The following SRBD1 variants were observed in gnomAD, a reference collection of about 807,000 sequenced individuals.
SRBD1 encodes the protein S1 RNA binding domain 1.
Under a neutral mutation model 115.3 loss-of-function variants are expected in SRBD1, and 88 were observed. The observed-to-expected ratio is 0.76, with a 90% confidence interval of 0.64 to 0.91. The LOEUF is 0.91. SRBD1 is among the 40% of genes least tolerant of loss of function. The pLI is 0.00. For synonymous variants in SRBD1, 509 were observed against 407.7 expected (o/e 1.25, Z -2.99); for missense variants, 1,385 against 1,177.4 (o/e 1.18, Z -2.58).
At chr2:45,569,033 C>T (rs1211469710) in intron 9 of SRBD1, among the ~76,000 whole-genome samples, 1 of 152,108 alleles carries the variant, frequency 6.6e-6, no homozygotes, top group Non-Finnish European at 1.5e-5. Context: ...TTTAAATGGG[C>T]AAGGGCCATG....
At chr2:45,391,301 C>A (rs182855857) in intron 20 of SRBD1, among the ~76,000 whole-genome samples, 4 of 152,242 alleles carry the variant, frequency 2.6e-5, no homozygotes, top group Admixed American at 2.6e-4. Context: ...TTCTAATAAA[C>A]CCAGTTAGGG....
intron 16 of SRBD1, among the ~76,000 whole-genome samples, chr2:45,450,723 G>T (rs1203921748): frequency 6.6e-6 from 1 of 152,002 alleles, no homozygotes; most frequent in East Asian, 1.9e-4. Flanking sequence ...GTTTTGAAGG[G>T]AAAAAAGGCA....
chr2:45,436,802 T>G (rs886321107), intron 16 of SRBD1, among the ~76,000 whole-genome samples: 2 of 152,162 alleles, frequency 1.3e-5, no homozygotes, highest in Non-Finnish European at 2.9e-5. Context: ...ACACAAGGCC[T>G]AACCTTATCA....
chr2:45,460,505 A>G (rs957284480), intron 16 of SRBD1, among the ~76,000 whole-genome samples: 2 of 152,166 alleles, frequency 1.3e-5, no homozygotes, highest in African/African-American at 4.8e-5. Context: ...AATGCTGAGG[A>G]AGGCAGGGAA....
intron 16 of SRBD1, among the ~76,000 whole-genome samples, chr2:45,444,616 T>C (rs966415859): frequency 3.9e-5 from 6 of 152,234 alleles, no homozygotes; most frequent in Non-Finnish European, 8.8e-5. Context: ...AGGACCACAC[T>C]ATACTGGTTC....
At chr2:45,544,994 G>C (rs2088336865) in intron 14 of SRBD1, among the ~76,000 whole-genome samples, 1 of 151,998 alleles carries the variant, frequency 6.6e-6, no homozygotes, top group Non-Finnish European at 1.5e-5. Context: ...TAAAACAAAA[G>C]ATGAGGCCGG....
chr2:45,457,984 A>G (rs902478874), intron 16 of SRBD1, among the ~76,000 whole-genome samples: 1 of 152,092 alleles, frequency 6.6e-6, no homozygotes, highest in Non-Finnish European at 1.5e-5. Context: ...GTTACAGCTC[A>G]TATCTCAAAA....
chr2:45,418,632 A>G (rs1667905870), intron 17 of SRBD1, 91 bp from the exon 18 acceptor site: 1 of 1,139,498 alleles, frequency 8.8e-7, no homozygotes, highest in East Asian at 2.9e-5. Flanking sequence ...GACTGCAATG[A>G]CATATCCTCA....
At chr2:45,421,098 C>G (rs1280531485) in intron 16 of SRBD1, among the ~76,000 whole-genome samples, 3 of 152,162 alleles carry the variant, frequency 2.0e-5, no homozygotes, top group African/African-American at 7.2e-5. Flanking sequence ...TCAGTCATGT[C>G]TCTAGGATTA....
At chr2:45,610,501 T>C (rs929292276) in intron 1 of SRBD1, among the ~76,000 whole-genome samples, 1 of 152,202 alleles carries the variant, frequency 6.6e-6, no homozygotes, top group Non-Finnish European at 1.5e-5. Context: ...AGGGGAAAGA[T>C]ATGTGGCAAA....
At chr2:45,450,072 C>T (rs922913882) in intron 16 of SRBD1, among the ~76,000 whole-genome samples, 3 of 152,152 alleles carry the variant, frequency 2.0e-5, no homozygotes. Context: ...CCTTTCTTAA[C>T]AGATGACATA....
At chr2:45,555,081 G>A (rs553312690) in intron 10 of SRBD1, among the ~76,000 whole-genome samples, 19 of 151,968 alleles carry the variant, frequency 1.3e-4, no homozygotes, top group Admixed American at 3.3e-4. Flanking sequence ...TTCCCTCCAC[G>A]ATCCCCTTAA....
intron 16 of SRBD1, among the ~76,000 whole-genome samples, chr2:45,438,094 G>A (rs1160849965): frequency 1.3e-5 from 2 of 152,062 alleles, no homozygotes; most frequent in Non-Finnish European, 1.5e-5. Flanking sequence ...GAGACTGGAG[G>A]GGGCTGTGCA....
At chr2:45,501,324 G>C (rs1378079741) in intron 14 of SRBD1, among the ~76,000 whole-genome samples, 1 of 152,122 alleles carries the variant, frequency 6.6e-6, no homozygotes, top group Non-Finnish European at 1.5e-5. Flanking sequence ...GAGGGGAGGT[G>C]GTTCCAAGAT....
intron 12 of SRBD1, among the ~76,000 whole-genome samples, chr2:45,548,352 T>C (rs1672185653): frequency 6.6e-6 from 1 of 151,760 alleles, no homozygotes; most frequent in African/African-American, 2.4e-5. Context: ...AAAGAAAGGA[T>C]AGAAGATACA....
At chr2:45,522,046 T>C (rs922391729) in intron 14 of SRBD1, among the ~76,000 whole-genome samples, 4 of 151,756 alleles carry the variant, frequency 2.6e-5, no homozygotes, top group Non-Finnish European at 5.9e-5. Context: ...TATACCAATG[T>C]TCATAGCAGC....
chr2:45,430,374 C>A (rs557812340), intron 16 of SRBD1, among the ~76,000 whole-genome samples: 2 of 152,124 alleles, frequency 1.3e-5, no homozygotes, highest in South Asian at 2.1e-4. Flanking sequence ...GGAGGCATCA[C>A]GCTACCTGAC....
chr2:45,435,212 T>C (rs1319289986), intron 16 of SRBD1, among the ~76,000 whole-genome samples: 1 of 152,066 alleles, frequency 6.6e-6, no homozygotes, highest in Non-Finnish European at 1.5e-5. Flanking sequence ...TTTGCTATTG[T>C]GAATAGTGAA....
chr2:45,556,293 C>A (rs17033863), intron 10 of SRBD1, among the ~76,000 whole-genome samples: 6,892 of 151,634 alleles, frequency 0.045, 524 homozygotes, highest in African/African-American at 0.16. Context: ...CACCTTTTTT[C>A]AATGAAACAA....
Sources: allele counts gnomAD v4.1 joint callset (sites outside exome capture counted in the v4.1 genomes callset), GRCh38; gene constraint gnomAD v4.1.1; transcripts MANE v1.5; gene names NCBI Gene and HGNC (gene_info 2026-07-23, HGNC 2026-07-21).